The following MAP3K10 variants were observed in gnomAD, a reference collection of about 807,000 sequenced individuals.
MAP3K10 encodes the protein mitogen-activated protein kinase kinase kinase 10.
MAP3K10 carries 22 observed loss-of-function variants against 75.0 expected under a neutral mutation model. That is an observed-to-expected ratio of 0.29 (90% confidence interval 0.21 to 0.42). MAP3K10 has a LOEUF of 0.42. Ranked by LOEUF, MAP3K10 falls within the 10% of genes least tolerant of loss-of-function variation. The pLI is 1.00. For synonymous variants in MAP3K10, 599 were observed against 612.9 expected (o/e 0.98, Z 0.34); for missense variants, 1,165 against 1,379.8 (o/e 0.84, Z 2.47).
In MAP3K10 at chr19:40,205,357, G is replaced by A. The variant is rs1041606420; in HGVS notation, c.1188+61G>A. Reference sequence around the variant, plus strand: ...AGACCCCTGAGTTCTGATGCCTTGGGCTGCTCAGAGACTCCTCCCCTGAAC... The same window carrying A: ...AGACCCCTGAGTTCTGATGCCTTGGACTGCTCAGAGACTCCTCCCCTGAAC... On this transcript the variant is annotated intron_variant, in intron 4 of 9. Transcript: ENST00000253055. This position sits in a 1 kb window ranked among gnomAD's most constrained non-coding sequence, Gnocchi z 4.3. The A allele has an allele frequency of 1.9e-6, 3 of 1,565,230 alleles. No homozygotes were observed. Among genetic ancestry groups the A allele is most frequent in the East Asian group, 2.3e-5 (1 of 44,354 alleles).
In MAP3K10 at chr19:40,208,360, TTTTTTTTTTGTA is replaced by T. The variant is rs1342471500; in HGVS notation, c.1436-737_1436-726del. Among the ~76,000 whole-genome samples, 28 of 118,824 alleles carry T rather than the reference TTTTTTTTTTGTA, an allele frequency of 2.4e-4. 1 individual carries two copies. The highest frequency in any genetic ancestry group is 8.9e-4 in the African/African-American group (28 of 31,588). The allele number at this position is 118,824 out of a possible 152,430, so 78.0% of individuals were successfully genotyped here. ...CTCTTTCTTTCTTTTTTTTTTTTTT[TTTTTTTTTTGTA>T]TTTTTAGTAGAGACAGGGTTTCACC... is the stretch of plus-strand genomic sequence containing the variant. On this transcript the variant is annotated intron_variant, in intron 5 of 9. Transcript: ENST00000253055.
intron 1 of MAP3K10, among the ~76,000 whole-genome samples, chr19:40,193,840 C>G (rs1972859139): frequency 6.6e-6 from 1 of 152,226 alleles, no homozygotes; most frequent in South Asian, 2.1e-4. Flanking sequence ...GTCCCCGGCC[C>G]TCACGTCACT....
rs139191765 is a variant in MAP3K10, at chr19:40,206,132, C to T, written c.1410C>T (p.Gly470=). 1.1e-4 allele frequency: 182 copies of T among 1,608,694 alleles called. No individual in the cohort carries two copies. The highest frequency in any genetic ancestry group is 1.5e-4 in the Non-Finnish European group (173 of 1,176,926). The change falls in exon 5 of 10, where the codon GGC becomes GGT. Residue 470 remains glycine, a synonymous_variant. Transcript: ENST00000253055. The stretch of plus-strand genomic sequence containing the variant: ...GCCGCCTGCTCAAGCTGCGGGAAGG[C>T]GGCAGCCACATCAGCCTGCCCTCTG... ...KRSRLLKLRE[G]GSHISLPSGF...
Position 40,192,124 on chromosome 19 carries a change from C to A in MAP3K10, c.93C>A (p.Gly31=), listed in dbSNP as rs1972828015. The change falls in exon 1 of 10, where the codon GGC becomes GGA. Residue 31 remains glycine, a synonymous_variant. Coordinates refer to ENST00000253055, the MANE Select transcript of MAP3K10 (RefSeq NM_002446.4). The surrounding 1 kb of genome is among the most constrained non-coding windows in gnomAD (Gnocchi z 7.1). ...WTAVFDYEAA[G]DEELTLRRGD... ...CGGTGTTCGACTACGAGGCGGCGGG[C>A]GACGAGGAGCTGACCCTGCGGAGGG... is the stretch of plus-strand genomic sequence containing the variant. 2 of 1,574,892 alleles carry A rather than the reference C, an allele frequency of 1.3e-6. No homozygotes were observed. The highest frequency in any genetic ancestry group is 1.7e-4 in the Middle Eastern group (1 of 5,924).
chr19:40,191,827 C>CCCCCCCCCCCCCCACA lies in MAP3K10; in HGVS notation c.-203_-202insCCCCCCCCCCCACACC. On this transcript the variant is annotated 5_prime_UTR_variant, in exon 1 of 10. Transcript: ENST00000253055. ...CCCACTCCCACCCCGCCCCGCCCCG[C>CCCCCCCCCCCCCCACA]CCGTACAGCCAAATCGGAAGGGACG... 1 of 227,090 alleles carries CCCCCCCCCCCCCCACA rather than the reference C, an allele frequency of 4.4e-6. No individual in the cohort carries two copies. The highest frequency in any genetic ancestry group is 8.6e-6 in the Non-Finnish European group (1 of 116,694). The allele number at this position is 227,090 out of a possible 1,614,324, so 14.1% of individuals were successfully genotyped here. A position where few individuals can be genotyped will look rare whatever the true frequency, so the allele number is the denominator to read the frequency against.
At position 40,204,923 on chromosome 19, in the gene MAP3K10, TC is replaced by T; in HGVS notation, c.1013-195del. Reference sequence around the variant, plus strand: ...TACCAGCCCCTCCTCGGGGTGCAGGTCCCAGGGTTTCTCTCCCAGCGTTTCA... The same window carrying T: ...TACCAGCCCCTCCTCGGGGTGCAGGTCCAGGGTTTCTCTCCCAGCGTTTCA... On this transcript the variant is annotated intron_variant, in intron 3 of 9. Transcript: ENST00000253055. This position sits in a 1 kb window ranked among gnomAD's most constrained non-coding sequence, Gnocchi z 4.3. The T allele has an allele frequency of 6.3e-6, 4 of 635,542 alleles. No homozygotes were observed. Among genetic ancestry groups the T allele is most frequent in the Non-Finnish European group, 1.1e-5 (4 of 364,672 alleles). 39.4% of individuals were successfully genotyped at this position (635,542 alleles called of 1,614,324 possible).
intron 5 of MAP3K10, among the ~76,000 whole-genome samples, chr19:40,208,785 C>T (rs539362872): frequency 8.5e-5 from 13 of 152,076 alleles, no homozygotes; most frequent in South Asian, 2.1e-4. Flanking sequence ...TAGCTACTGG[C>T]GGCCATATTG....
Position 40,215,339 on chromosome 19 carries a change from C to T in MAP3K10, c.*47C>T, listed in dbSNP as rs990118852. ...CTGGGCAGCCATGAATGTAGCGCCC[C>T]AGGCCCTGCCCCAGCCCGCCATGCC... is the stretch of plus-strand genomic sequence containing the variant. On this transcript the variant is annotated 3_prime_UTR_variant, in exon 10 of 10. Transcript: ENST00000253055. 8.1e-6 allele frequency: 12 copies of T among 1,484,274 alleles called. No homozygotes were observed. The highest frequency in any genetic ancestry group is 2.1e-5 in the Admixed American group (1 of 47,326). The allele number at this position is 1,484,274 out of a possible 1,614,324, so 91.9% of individuals were successfully genotyped here. A position where few individuals can be genotyped will look rare whatever the true frequency, so the allele number is the denominator to read the frequency against.
In MAP3K10 at chr19:40,206,004, G is replaced by C. The variant is rs769530363; in HGVS notation, c.1282G>C (p.Glu428Gln). 2 of 1,612,732 alleles carry C rather than the reference G, an allele frequency of 1.2e-6. No individual in the cohort carries two copies. Among genetic ancestry groups the C allele is most frequent in the South Asian group, 2.2e-5 (2 of 90,910 alleles). The change falls in exon 5 of 10, where the codon GAA becomes CAA. Residue 428 changes from glutamate to glutamine, a missense_variant. Coordinates refer to ENST00000253055, the MANE Select transcript of MAP3K10 (RefSeq NM_002446.4). ...QLRRREQELA[E>Q]REMDIVEREL... ...GCGGCGGCGGGAGCAGGAGCTGGCAGAACGTGAGATGGACATCGTGGAACG... is the reference window on the plus strand; with the variant it reads ...GCGGCGGCGGGAGCAGGAGCTGGCACAACGTGAGATGGACATCGTGGAACG...
At position 40,198,608 on chromosome 19, in the gene MAP3K10, G is replaced by T; in HGVS notation, c.863+53G>T. 1 of 1,536,910 alleles carries T rather than the reference G, an allele frequency of 6.5e-7. No homozygotes were observed. ...TCTGGGGAGTAAGGGAGGGAGGAAG[G>T]GGTGAGGGCAGAGTGGGAGGGAGGG... On this transcript the variant is annotated intron_variant, in intron 2 of 9. Transcript: ENST00000253055. The surrounding 1 kb of genome is among the most constrained non-coding windows in gnomAD (Gnocchi z 4.3).
In MAP3K10 at chr19:40,213,803, C is replaced by T; in HGVS notation, c.2124C>T (p.Gly708=). The T allele has an allele frequency of 7.8e-7, 1 of 1,284,222 alleles. No individual in the cohort carries two copies. The highest frequency in any genetic ancestry group is 9.9e-7 in the Non-Finnish European group (1 of 1,011,782). The allele number at this position is 1,284,222 out of a possible 1,614,324, so 79.6% of individuals were successfully genotyped here. A position where few individuals can be genotyped will look rare whatever the true frequency, so the allele number is the denominator to read the frequency against. ...DGEEQRRWLD[G]LFFPRAGRFP... is the part of the protein sequence containing the mutation. ...AGGAGCAGCGGCGCTGGCTCGACGG[C>T]CTCTTCTTTCCCCGCGCCGGCCGCT... The change falls in exon 9 of 10, where the codon GGC becomes GGT. Residue 708 remains glycine (G), a synonymous_variant. Coordinates refer to ENST00000253055, the MANE Select transcript of MAP3K10 (RefSeq NM_002446.4). This position sits in a 1 kb window ranked among gnomAD's most constrained non-coding sequence, Gnocchi z 5.7.
chr19:40,207,714 G>A (rs752024445), intron 5 of MAP3K10, among the ~76,000 whole-genome samples: 19 of 152,038 alleles, frequency 1.2e-4, no homozygotes, highest in Non-Finnish European at 2.5e-4. Flanking sequence ...CAGCCTGGGC[G>A]ACAAGAGCAA....
intron 5 of MAP3K10, among the ~76,000 whole-genome samples, chr19:40,208,672 T>TTA (rs61540617): frequency 0.21 from 30,383 of 145,722 alleles, 3,190 homozygotes; most frequent in East Asian, 0.25. Context: ...AACTCATCCT[T>TTA]TATATATATA....
intron 5 of MAP3K10, 24 bp downstream of exon 5, chr19:40,206,181 G>A (rs750945146): frequency 1.0e-5 from 16 of 1,569,160 alleles, no homozygotes; most frequent in African/African-American, 4.1e-5. Flanking sequence ...TCCCCAGAGC[G>A]CCCCCCAAGA....
Position 40,213,253 on chromosome 19 carries a change from C to A in MAP3K10, c.1837+65C>A. ...GGCCAAAGGGGTGAGCCTCCTGGGGCTGAGCGAAGAGACCAGGTTTCACTG... is the reference window on the plus strand; with the variant it reads ...GGCCAAAGGGGTGAGCCTCCTGGGGATGAGCGAAGAGACCAGGTTTCACTG... On this transcript the variant is annotated intron_variant, in intron 8 of 9. Transcript: ENST00000253055. This position sits in a 1 kb window ranked among gnomAD's most constrained non-coding sequence, Gnocchi z 5.7. 1.4e-6 allele frequency: 2 copies of A among 1,479,334 alleles called. No homozygotes were observed. The highest frequency in any genetic ancestry group is 1.8e-6 in the Non-Finnish European group (2 of 1,113,292). The allele number at this position is 1,479,334 out of a possible 1,614,324, so 91.6% of individuals were successfully genotyped here. A position where few individuals can be genotyped will look rare whatever the true frequency, so the allele number is the denominator to read the frequency against.
chr19:40,210,990 G>A (rs1329086861), intron 6 of MAP3K10, among the ~76,000 whole-genome samples: 4 of 152,176 alleles, frequency 2.6e-5, no homozygotes, highest in Admixed American at 2.0e-4. Context: ...CTACCTAGGC[G>A]TCCTTTGGCC....
Position 40,198,344 on chromosome 19 carries a change from G to C in MAP3K10, c.683-31G>C. The stretch of plus-strand genomic sequence containing the variant: ...CTTGGGTCTGCGGCGTGGCAGGTCT[G>C]GGGTGACCCACCTTTCTTCCCACCC... On this transcript the variant is annotated intron_variant, in intron 1 of 9. Transcript: ENST00000253055. The surrounding 1 kb of genome is among the most constrained non-coding windows in gnomAD (Gnocchi z 4.3). 1 of 1,592,748 alleles carries C rather than the reference G, an allele frequency of 6.3e-7. No individual in the cohort carries two copies. Among genetic ancestry groups the C allele is most frequent in the Non-Finnish European group, 8.6e-7 (1 of 1,168,154 alleles).
intron 6 of MAP3K10, among the ~76,000 whole-genome samples, chr19:40,210,245 C>T (rs753487618): frequency 2.0e-5 from 3 of 151,998 alleles, no homozygotes; most frequent in East Asian, 1.9e-4. Context: ...CCGGCCTGGG[C>T]GAAAGAGCGA....
intron 5 of MAP3K10, among the ~76,000 whole-genome samples, chr19:40,208,361 T>TTTTTTTTTTTTTTTTTA (rs1973168580): frequency 8.6e-6 from 1 of 116,196 alleles, no homozygotes; most frequent in Non-Finnish European, 1.8e-5. Context: ...TTTTTTTTTT[T>TTTTTTTTTTTTTTTTTA]TTTTTTTTGT....
Sources: allele counts gnomAD v4.1 joint callset (sites outside exome capture counted in the v4.1 genomes callset), GRCh38; gene constraint gnomAD v4.1.1; non-coding constraint Gnocchi (gnomAD v3.1); transcripts MANE v1.5; gene names NCBI Gene and HGNC (gene_info 2026-07-23, HGNC 2026-07-21).